The following KCNJ15 variants were observed in gnomAD, a reference collection of about 807,000 sequenced individuals.
KCNJ15 encodes the protein ATP-sensitive inward rectifier potassium channel 15.
In KCNJ15, 14 loss-of-function variants were observed where a neutral mutation model predicts 23.0. That is an observed-to-expected ratio of 0.61 (90% confidence interval 0.40 to 0.95). KCNJ15 has a LOEUF of 0.95. Ranked by LOEUF, KCNJ15 falls within the 40% of genes least tolerant of loss-of-function variation. KCNJ15 has a pLI of 0.00. For missense variants in KCNJ15, 388 were observed against 461.8 expected (o/e 0.84, Z 1.46); for synonymous variants, 185 against 183.2 (o/e 1.01, Z -0.08).
rs140241054 is a variant in KCNJ15, at chr21:38,288,134, G to A, written c.-116-8792G>A. ...CAGCTCACTGCAAGCTCCACTTCCC[G>A]GGTTCACGCCATTCTCCTGCCTCAG... is the stretch of plus-strand genomic sequence containing the variant. On this transcript the variant is annotated intron_variant, in intron 1 of 2. Coordinates refer to ENST00000398938, the MANE Select transcript of KCNJ15 (RefSeq NM_170736.3). 7.3e-3 allele frequency among the ~76,000 whole-genome samples: 971 copies of A among 133,010 alleles called. 7 individuals are homozygous for A. Among genetic ancestry groups the A allele is most frequent in the African/African-American group, 0.024 (860 of 35,748 alleles). The allele number at this position is 133,010 out of a possible 152,430, so 87.3% of individuals were successfully genotyped here. A position where few individuals can be genotyped will look rare whatever the true frequency, so the allele number is the denominator to read the frequency against.
At chr21:38,240,643 T>A (rs1423596634) in intron 1 of KCNJ15, among the ~76,000 whole-genome samples, 1 of 152,252 alleles carries the variant, frequency 6.6e-6, no homozygotes, top group East Asian at 1.9e-4. Flanking sequence ...CAGGAACATT[T>A]ATTTTCTTAT....
intron 1 of KCNJ15, among the ~76,000 whole-genome samples, chr21:38,275,555 G>T (rs898627930): frequency 2.7e-5 from 4 of 150,280 alleles, no homozygotes; most frequent in Non-Finnish European, 3.0e-5. Flanking sequence ...AAAAGCAAAT[G>T]GGAAACTTTT....
At chr21:38,265,314 C>T (rs1981346662) in intron 1 of KCNJ15, among the ~76,000 whole-genome samples, 1 of 152,196 alleles carries the variant, frequency 6.6e-6, no homozygotes, top group African/African-American at 2.4e-5. Context: ...CTGGGAGCAG[C>T]CTATGCCAGT....
rs115798343 is a variant in KCNJ15 at position 38,250,097 on chromosome 21, G to A, written c.-398-6949G>A. 2.5e-3 allele frequency among the ~76,000 whole-genome samples: 374 copies of A among 152,244 alleles called. 2 individuals are homozygous for A. The highest frequency in any genetic ancestry group is 8.4e-3 in the African/African-American group (350 of 41,526). ...TCACTTTACGTAACTTAGCCAATTC[G>A]CATTGCTCAGTTTTTCCACAATAAC... On this transcript the variant is annotated intron_variant, in intron 1 of 4. Transcript: ENST00000547341.
intron 1 of KCNJ15, among the ~76,000 whole-genome samples, chr21:38,295,758 C>A (rs1000118496): frequency 5.9e-5 from 9 of 152,108 alleles, no homozygotes; most frequent in Non-Finnish European, 1.0e-4. Context: ...AACACTGATT[C>A]AAACTTCATG....
At chr21:38,241,967 T>TAAAAAAAAAA (rs34321677) in intron 1 of KCNJ15, among the ~76,000 whole-genome samples, 1 of 111,986 alleles carries the variant, frequency 8.9e-6, no homozygotes. Context: ...AGACTCCATC[T>TAAAAAAAAAA]AAAAAAAAAA....
intron 1 of KCNJ15, among the ~76,000 whole-genome samples, chr21:38,289,196 CAAAAAAAAAAA>C (rs66914079): frequency 1.4e-5 from 1 of 72,428 alleles, no homozygotes; most frequent in East Asian, 4.0e-4. Flanking sequence ...AAGACTGTCT[CAAAAAAAAAAA>C]AAAAAAAAAA....
chr21:38,283,071 T>C (rs115803463), intron 1 of KCNJ15, among the ~76,000 whole-genome samples: 2,019 of 152,300 alleles, frequency 0.013, 63 homozygotes, highest in African/African-American at 0.047. Flanking sequence ...CTCTTCTAAT[T>C]CAGTCAATGA....
intron 1 of KCNJ15, among the ~76,000 whole-genome samples, chr21:38,257,938 T>A (rs767571951): frequency 1.3e-5 from 2 of 152,232 alleles, no homozygotes; most frequent in Non-Finnish European, 2.9e-5. Context: ...CTTGACCTCA[T>A]AATTTCTTTT....
At position 38,301,811 on chromosome 21, in the gene KCNJ15, G is replaced by A. The variant is rs1985803000; in HGVS notation, c.*1422G>A. On this transcript the variant is annotated 3_prime_UTR_variant, in exon 3 of 3. Coordinates refer to ENST00000398938, the MANE Select transcript of KCNJ15 (RefSeq NM_170736.3). ...GGCAAAAAATAAATGGGCTATGACTGGTTAAATGTCCAAAAGGTGAATTCT... is the reference window on the plus strand; with the variant it reads ...GGCAAAAAATAAATGGGCTATGACTAGTTAAATGTCCAAAAGGTGAATTCT... 1 of 167,020 alleles carries A rather than the reference G, an allele frequency of 6.0e-6. No homozygotes were observed. Among genetic ancestry groups the A allele is most frequent in the African/African-American group, 2.4e-5 (1 of 41,410 alleles). 10.3% of individuals were successfully genotyped at this position (167,020 alleles called of 1,614,324 possible).
intron 1 of KCNJ15, among the ~76,000 whole-genome samples, chr21:38,271,345 TCTC>T (rs2123645461): frequency 6.6e-6 from 1 of 152,284 alleles, no homozygotes; most frequent in Admixed American, 6.5e-5. Context: ...AAGAGCTTGT[TCTC>T]CTAATGTGGC....
intron 1 of KCNJ15, among the ~76,000 whole-genome samples, chr21:38,250,868 T>C (rs577395080): frequency 7.2e-5 from 11 of 152,356 alleles, no homozygotes; most frequent in Middle Eastern, 6.8e-3. Flanking sequence ...AATATTCTAT[T>C]TCAAATATTG....
At chr21:38,292,191 T>C (rs989299227) in intron 1 of KCNJ15, among the ~76,000 whole-genome samples, 1 of 152,224 alleles carries the variant, frequency 6.6e-6, no homozygotes, top group Non-Finnish European at 1.5e-5. Flanking sequence ...ATGTAAATTA[T>C]TTAATTTCTC....
At chr21:38,237,440 G>A (rs377396352) in intron 1 of KCNJ15, 1 of 152,370 alleles carries the variant, frequency 6.6e-6, no homozygotes, top group East Asian at 1.9e-4. Context: ...AAGGAGAAGA[G>A]GGAGTAATGA....
intron 1 of KCNJ15, among the ~76,000 whole-genome samples, chr21:38,265,049 T>G (rs1196695466): frequency 6.6e-6 from 1 of 152,000 alleles, no homozygotes; most frequent in African/African-American, 2.4e-5. Flanking sequence ...TAGAAAGGGG[T>G]GATTTGATCC....
intron 1 of KCNJ15, among the ~76,000 whole-genome samples, chr21:38,276,541 A>G (rs1274522181): frequency 6.6e-6 from 1 of 152,160 alleles, no homozygotes; most frequent in Non-Finnish European, 1.5e-5. Context: ...AGCAACAGAC[A>G]TTGGGGTCTA....
Position 38,301,297 on chromosome 21 carries a change from G to A in KCNJ15, c.*908G>A, listed in dbSNP as rs55805345. The A allele has an allele frequency of 0.095, 15,911 of 167,112 alleles. 2,280 individuals carry two copies. The highest frequency in any genetic ancestry group is 0.33 in the African/African-American group (13,549 of 41,476). The allele number at this position is 167,112 out of a possible 1,614,324, so 10.4% of individuals were successfully genotyped here. ...GTTCTCAAAGCAACTTTCTGAAGCC[G>A]TGTGGAAAACTGACTCTGTGTGGGT... is the stretch of plus-strand genomic sequence containing the variant. On this transcript the variant is annotated 3_prime_UTR_variant, in exon 3 of 3. Coordinates refer to ENST00000398938, the MANE Select transcript of KCNJ15 (RefSeq NM_170736.3).
chr21:38,298,101 C>T (rs1042853715), intron 2 of KCNJ15: 2 of 152,124 alleles, frequency 1.3e-5, no homozygotes, highest in African/African-American at 4.8e-5. Flanking sequence ...ACATGCCACC[C>T]AGGTAAAGTT....
At chr21:38,284,319 G>A (rs1157074358) in intron 1 of KCNJ15, among the ~76,000 whole-genome samples, 1 of 152,172 alleles carries the variant, frequency 6.6e-6, no homozygotes, top group Admixed American at 6.5e-5. Flanking sequence ...GATAGCCTCC[G>A]CCCACCCCAA....
Sources: allele counts gnomAD v4.1 joint callset (sites outside exome capture counted in the v4.1 genomes callset), GRCh38; gene constraint gnomAD v4.1.1; transcripts MANE v1.5; gene names NCBI Gene and HGNC (gene_info 2026-07-23, HGNC 2026-07-21).